The following SLC17A9 variants were observed in gnomAD, a reference collection of about 807,000 sequenced individuals.
SLC17A9 encodes the protein solute carrier family 17 member 9.
SLC17A9 carries 49 observed loss-of-function variants against 55.0 expected under a neutral mutation model. That is an observed-to-expected ratio of 0.89 (90% CI 0.71 to 1.13). SLC17A9 has a LOEUF of 1.13. Ranked by LOEUF, SLC17A9 falls within the 50% of genes most tolerant of loss-of-function variation. The pLI, the probability that SLC17A9 is intolerant of heterozygous loss-of-function variation, is 0.00. For missense variants in SLC17A9, 526 were observed against 569.3 expected (o/e 0.92, Z 0.77); for synonymous variants, 256 against 247.4 (o/e 1.03, Z -0.32).
chr20:62,964,907 C>G (rs1412436908), intron 8 of SLC17A9: 1 of 564,052 alleles, frequency 1.8e-6, no homozygotes, highest in East Asian at 2.9e-5. Context: ...GTGTTTCTGC[C>G]CAAACCCACG....
In SLC17A9 at chr20:62,962,617, T is replaced by C. The variant is rs933559828; in HGVS notation, c.498-7T>C. 6.2e-7 allele frequency: 1 copy of C among 1,613,572 alleles called. No homozygotes were observed. Among genetic ancestry groups the C allele is most frequent in the Non-Finnish European group, 8.5e-7 (1 of 1,179,684 alleles). Reference sequence around the variant, plus strand: ...GGGGCCTGGCCACACTCCCCCTGTCTTTGCAGGACGCTGCTGACCGGGGCG... The same window carrying C: ...GGGGCCTGGCCACACTCCCCCTGTCCTTGCAGGACGCTGCTGACCGGGGCG... On this transcript the variant is annotated splice_region_variant and splice_polypyrimidine_tract_variant and intron_variant, in intron 4 of 12. Transcript: ENST00000370351. The surrounding 1 kb of genome is among the most constrained non-coding windows in gnomAD (Gnocchi z 5.5).
intron 12 of SLC17A9, chr20:62,967,001 C>A: frequency 1.7e-6 from 1 of 577,280 alleles, no homozygotes; most frequent in Non-Finnish European, 3.0e-6. Flanking sequence ...CGGGACACCT[C>A]CTGGCCCCGC....
intron 3 of SLC17A9, among the ~76,000 whole-genome samples, chr20:62,960,191 T>C (rs2065577163): frequency 6.6e-6 from 1 of 152,268 alleles, no homozygotes; most frequent in African/African-American, 2.4e-5. Context: ...GCGAGGACTC[T>C]AGAGCACAGC....
At chr20:62,952,973 G>C (rs1321527494) in intron 1 of SLC17A9, 84 bp downstream of exon 1, 2 of 1,374,940 alleles carry the variant, frequency 1.5e-6, no homozygotes, top group East Asian at 2.5e-5. Flanking sequence ...CACGTGGGAC[G>C]ATGCTAGGTG....
chr20:62,965,586 C>A, intron 9 of SLC17A9, 24 bp from the exon 10 acceptor site: 1 of 1,604,856 alleles, frequency 6.2e-7, no homozygotes, highest in Non-Finnish European at 8.5e-7. Flanking sequence ...GGTGCCTCTC[C>A]GTCACGGTGG....
intron 8 of SLC17A9, 37 bp from the exon 9 acceptor site, chr20:62,965,095 G>C (rs757135216): frequency 6.2e-7 from 1 of 1,613,834 alleles, no homozygotes; most frequent in Admixed American, 1.7e-5. Flanking sequence ...AGCACGAAAG[G>C]GCTAACGGGA....
chr20:62,954,157 C>T (rs759595770), intron 1 of SLC17A9, among the ~76,000 whole-genome samples: 20 of 152,094 alleles, frequency 1.3e-4, no homozygotes, highest in Non-Finnish European at 2.6e-4. Flanking sequence ...CTCCCAGGCT[C>T]GATGTTTAAA....
chr20:62,968,757 C>T lies in SLC17A9; in HGVS notation c.*1257C>T, dbSNP rs1448692647. 6.6e-6 allele frequency: 1 copy of T among 152,180 alleles called. No homozygotes were observed. Among genetic ancestry groups the T allele is most frequent in the Non-Finnish European group, 1.5e-5 (1 of 68,050 alleles). The allele number at this position is 152,180 out of a possible 1,614,324, so 9.4% of individuals were successfully genotyped here. On this transcript the variant is annotated 3_prime_UTR_variant, in exon 13 of 13. Transcript: ENST00000370351. ...GCCGGGAGTGTTGAAATGAGCATGCCAGCAGAGCCAGGCTGGGTTTCGGGG... is the reference window on the plus strand; with the variant it reads ...GCCGGGAGTGTTGAAATGAGCATGCTAGCAGAGCCAGGCTGGGTTTCGGGG...
rs747051848 is a variant in SLC17A9, at chr20:62,967,305, G to A, written c.1148-32G>A. On this transcript the variant is annotated intron_variant, in intron 12 of 12. Coordinates refer to ENST00000370351, the MANE Select transcript of SLC17A9 (RefSeq NM_022082.4). Reference sequence around the variant, plus strand: ...GGTGTGGGGCCTGGGCTGCCCGGGAGCACTCAGCCCGCCTGGCCCTCTCTT... The same window carrying A: ...GGTGTGGGGCCTGGGCTGCCCGGGAACACTCAGCCCGCCTGGCCCTCTCTT... 8.1e-6 allele frequency: 13 copies of A among 1,612,002 alleles called. No individual in the cohort carries two copies. The South Asian group carries it at 8.8e-5, about 11-fold the overall frequency.
intron 7 of SLC17A9, 108 bp from the exon 8 acceptor site, chr20:62,964,120 C>A (rs2065613827): frequency 8.9e-7 from 1 of 1,121,076 alleles, no homozygotes; most frequent in Non-Finnish European, 1.4e-6. Flanking sequence ...TGCCGGAGAG[C>A]TTTCCTGGGC....
At chr20:62,965,539 A>G (rs2147660633) in intron 9 of SLC17A9, 71 bp from the exon 10 acceptor site, 1 of 1,435,248 alleles carries the variant, frequency 7.0e-7, no homozygotes, top group Admixed American at 1.8e-5. Context: ...GCTTTCGGGC[A>G]GCTGAGTCAG....
chr20:62,967,359 C>CGGCT lies in SLC17A9; in HGVS notation c.1171_1174dup (p.Tyr392TrpfsTer44). 1 of 1,614,128 alleles carries CGGCT rather than the reference C, an allele frequency of 6.2e-7. No homozygotes were observed. The highest frequency in any genetic ancestry group is 8.5e-7 in the Non-Finnish European group (1 of 1,179,996). The stretch of plus-strand genomic sequence containing the variant: ...CAGGTGTCGTGGGTGTGTGTCTAGG[C>CGGCT]GGCTACTTGATGGAGACCACGGGCT... On this transcript the variant is annotated frameshift_variant, in exon 13 of 13. Coordinates refer to ENST00000370351, the MANE Select transcript of SLC17A9 (RefSeq NM_022082.4). LOFTEE classifies it high-confidence loss of function.
intron 1 of SLC17A9, among the ~76,000 whole-genome samples, chr20:62,954,832 TGGC>T (rs572227359): frequency 1.5e-3 from 223 of 152,268 alleles, no homozygotes; most frequent in African/African-American, 5.3e-3. Flanking sequence ...GGCCCTGGAG[TGGC>T]TCTGTGTTCT....
At chr20:62,953,353 C>T (rs957371804) in intron 1 of SLC17A9, 15 of 1,470,346 alleles carry the variant, frequency 1.0e-5, no homozygotes, top group Admixed American at 9.9e-5. Context: ...GTGCTGAGGA[C>T]GAGCTCCCCG....
chr20:62,953,198 T>C (rs2147640335), intron 1 of SLC17A9: 1 of 1,550,394 alleles, frequency 6.4e-7, no homozygotes, highest in South Asian at 1.2e-5. Context: ...TCAGGAGGCA[T>C]ACCCCTCGCC....
rs992696083 is a variant in SLC17A9, at chr20:62,962,798, C to T, written c.628+44C>T. The T allele has an allele frequency of 5.6e-6, 9 of 1,606,354 alleles. No individual in the cohort carries two copies. The highest frequency in any genetic ancestry group is 2.7e-5 in the African/African-American group (2 of 74,806). On this transcript the variant is annotated intron_variant, in intron 5 of 12. Transcript: ENST00000370351. The surrounding 1 kb of genome is among the most constrained non-coding windows in gnomAD (Gnocchi z 5.5). ...GCTAGTCCCGGGCGCCCACAGCTGCCCAGTGCCTCCTCCCCTGGTGGCAGC... is the reference window on the plus strand; with the variant it reads ...GCTAGTCCCGGGCGCCCACAGCTGCTCAGTGCCTCCTCCCCTGGTGGCAGC...
At chr20:62,953,854 A>G (rs936280152) in intron 1 of SLC17A9, among the ~76,000 whole-genome samples, 7 of 152,252 alleles carry the variant, frequency 4.6e-5, no homozygotes, top group African/African-American at 1.7e-4. Context: ...AAAAGCTGGC[A>G]GCCCAGATCA....
intron 1 of SLC17A9, among the ~76,000 whole-genome samples, chr20:62,954,558 C>G (rs2065519689): frequency 6.6e-6 from 1 of 152,214 alleles, no homozygotes; most frequent in Non-Finnish European, 1.5e-5. Context: ...CTTTCCGGTT[C>G]TTGGCACACC....
intron 1 of SLC17A9, among the ~76,000 whole-genome samples, chr20:62,954,825 C>G (rs536803376): frequency 1.8e-4 from 27 of 152,344 alleles, no homozygotes; most frequent in Non-Finnish European, 3.2e-4. Context: ...CCAAGGAGGC[C>G]CTGGAGTGGC....
Sources: allele counts gnomAD v4.1 joint callset (sites outside exome capture counted in the v4.1 genomes callset), GRCh38; gene constraint gnomAD v4.1.1; non-coding constraint Gnocchi (gnomAD v3.1); transcripts MANE v1.5; gene names NCBI Gene and HGNC (gene_info 2026-07-23, HGNC 2026-07-21).